WDR5: variants seen among roughly 807,000 people sequenced by gnomAD.
WDR5 encodes the protein WD repeat-containing protein 5.
For synonymous variants in WDR5, 144 were observed against 161.6 expected (o/e 0.89, Z 0.83); for missense variants, 187 against 416.9 (o/e 0.45, Z 4.80).
At chr9:134,151,922 A>G in intron 8 of WDR5, 61 bp from the exon 9 acceptor site, 1 of 1,553,468 alleles carries the variant, frequency 6.4e-7, no homozygotes, top group Non-Finnish European at 8.7e-7. Context: ...TCTGACTCCC[A>G]GCAGCCCGCG....
At chr9:134,152,174 T>TCCGCCAGCTCCCCCTGACCGCC (rs1179968967) in intron 9 of WDR5, 145 bp downstream of exon 9, 2 of 957,306 alleles carry the variant, frequency 2.1e-6, no homozygotes. Context: ...GTCCGACCGT[T>TCCGCCAGCTCCCCCTGACCGCC]CCGCCAGCTC....
At chr9:134,154,573 A>C (rs757933132) in intron 10 of WDR5, 32 bp downstream of exon 10, 7 of 1,610,598 alleles carry the variant, frequency 4.3e-6, no homozygotes, top group Non-Finnish European at 5.9e-6. Flanking sequence ...GGGGGCGGGC[A>C]TGTGGCCTCC....
At chr9:134,136,599 C>T (rs915064094) in intron 1 of WDR5, among the ~76,000 whole-genome samples, 5 of 152,128 alleles carry the variant, frequency 3.3e-5, no homozygotes, top group African/African-American at 1.2e-4. Context: ...AGGTGCGCTT[C>T]CCCTCCTCGT....
intron 2 of WDR5, 120 bp from the exon 3 acceptor site, chr9:134,140,583 A>T (rs1588168632): frequency 1.3e-5 from 11 of 814,848 alleles, no homozygotes; most frequent in East Asian, 2.4e-5. Context: ...GGCACTGGGC[A>T]TGTGGATTTG....
chr9:134,153,658 C>G (rs1012611681), intron 9 of WDR5, among the ~76,000 whole-genome samples: 2 of 152,090 alleles, frequency 1.3e-5, no homozygotes, highest in Admixed American at 6.5e-5. Context: ...AGGTGCCTGG[C>G]GAGGCCAGGC....
upstream of WDR5, chr9:134,136,047 G>A (rs1479400390): frequency 3.0e-5 from 1 of 33,766 alleles, no homozygotes; most frequent in Non-Finnish European, 7.0e-5. Flanking sequence ...CCCGCCCCCC[G>A]GACACCGCCC....
At chr9:134,146,239 C>CTT (rs1278208507) in intron 7 of WDR5, among the ~76,000 whole-genome samples, 2 of 136,850 alleles carry the variant, frequency 1.5e-5, no homozygotes, top group African/African-American at 2.7e-5. Flanking sequence ...AGTGCTGGGT[C>CTT]TTTTTTTTTT....
At chr9:134,153,061 G>C (rs570469556) in intron 9 of WDR5, among the ~76,000 whole-genome samples, 2 of 152,318 alleles carry the variant, frequency 1.3e-5, no homozygotes, top group Admixed American at 1.3e-4. Flanking sequence ...TGCCACAGCG[G>C]TCTTTATAGC....
intron 7 of WDR5, among the ~76,000 whole-genome samples, chr9:134,144,747 G>A (rs1171906250): frequency 1.3e-5 from 2 of 152,128 alleles, no homozygotes; most frequent in African/African-American, 4.8e-5. Flanking sequence ...GACGGTGGGA[G>A]GATTGCTTGG....
At chr9:134,142,443 T>C in intron 6 of WDR5, 21 bp downstream of exon 6, 1 of 1,612,824 alleles carries the variant, frequency 6.2e-7, no homozygotes, top group Non-Finnish European at 8.5e-7. Context: ...CTGGGGTGTC[T>C]TCCCTGGGGG....
chr9:134,154,470 C>A lies in WDR5; in HGVS notation c.636C>A (p.Asp212Glu). 6.2e-7 allele frequency: 1 copy of A among 1,614,160 alleles called. No individual in the cohort carries two copies. Among genetic ancestry groups the A allele is most frequent in the Non-Finnish European group, 8.5e-7 (1 of 1,180,012 alleles). Residue 212 changes from aspartate (D) to glutamate (E), a missense_variant, in exon 10 of 14, where the codon GAC (aspartate) becomes GAA (glutamate). Asp to Glu is a conservative substitution (Grantham distance 45). Coordinates refer to ENST00000358625, the MANE Select transcript of WDR5 (RefSeq NM_017588.3). Reference protein sequence around the residue: ...SGQCLKTLIDDDNPPVSFVKF... With the variant: ...SGQCLKTLIDEDNPPVSFVKF... The stretch of plus-strand genomic sequence containing the variant: ...ACCTGTCCGTTTTTATTGCAGATGA[C>A]GACAACCCCCCCGTGTCTTTTGTGA...
chr9:134,155,874 C>T, intron 12 of WDR5, 107 bp downstream of exon 12: 2 of 1,040,994 alleles, frequency 1.9e-6, no homozygotes, highest in Non-Finnish European at 2.9e-6. Flanking sequence ...TCTGTGCCCA[C>T]AAAATGAATT....
chr9:134,136,424 C>T (rs1053585167), intron 1 of WDR5, among the ~76,000 whole-genome samples: 1 of 151,694 alleles, frequency 6.6e-6, no homozygotes, highest in African/African-American at 2.4e-5. Context: ...CGCCCCCACT[C>T]GCGCCCCCAC....
rs370047018 is a variant in WDR5, at chr9:134,141,972, G to A, written c.288G>A (p.Ser96=). ...AGGGAATATCCGATGTAGCCTGGTC[G>A]TCAGATTCTAACCTTCTTGTTTCTG... is the stretch of plus-strand genomic sequence containing the variant. ...HKLGISDVAW[S]SDSNLLVSAS... is the part of the protein sequence containing the mutation. The change falls in exon 5 of 14, where the codon TCG becomes TCA. Residue 96 remains serine, a synonymous_variant. Coordinates refer to ENST00000358625, the MANE Select transcript of WDR5 (RefSeq NM_017588.3). The A allele has an allele frequency of 6.8e-6, 11 of 1,614,046 alleles. No homozygotes were observed. Among genetic ancestry groups the A allele is most frequent in the South Asian group, 2.2e-5 (2 of 91,088 alleles).
intron 8 of WDR5, among the ~76,000 whole-genome samples, chr9:134,149,068 A>G (rs1014009711): frequency 6.6e-6 from 1 of 152,174 alleles, no homozygotes; most frequent in Non-Finnish European, 1.5e-5. Context: ...AGATCTTACT[A>G]GGACTTCCTG....
intron 8 of WDR5, 24 bp downstream of exon 8, chr9:134,148,367 T>C (rs1832320040): frequency 1.9e-6 from 3 of 1,605,298 alleles, no homozygotes; most frequent in Admixed American, 1.7e-5. Context: ...TTTTACTTCA[T>C]GAAGCGATGA....
At chr9:134,152,671 G>C (rs1832554927) in intron 9 of WDR5, among the ~76,000 whole-genome samples, 1 of 152,236 alleles carries the variant, frequency 6.6e-6, no homozygotes, top group Non-Finnish European at 1.5e-5. Flanking sequence ...TGAGGAGGGA[G>C]CTGGGTGGTG....
intron 8 of WDR5, among the ~76,000 whole-genome samples, chr9:134,151,308 A>G (rs909437849): frequency 6.6e-6 from 1 of 152,098 alleles, no homozygotes; most frequent in Non-Finnish European, 1.5e-5. Flanking sequence ...CGGCTTCTCC[A>G]TGGGTGAGAG....
In WDR5 at chr9:134,158,645, A is replaced by G. The variant is rs1170527995; in HGVS notation, c.*652A>G. The G allele has an allele frequency of 6.6e-6, 1 of 152,298 alleles. No individual in the cohort carries two copies. Among genetic ancestry groups the G allele is most frequent in the Admixed American group, 6.5e-5 (1 of 15,286 alleles). The allele number at this position is 152,298 out of a possible 1,614,324, so 9.4% of individuals were successfully genotyped here. Reference sequence around the variant, plus strand: ...CGTTTGTCTCAGTGTCCCTGCAACAAGCAGCACCGCAGACTGTAATAAAAG... The same window carrying G: ...CGTTTGTCTCAGTGTCCCTGCAACAGGCAGCACCGCAGACTGTAATAAAAG... On this transcript the variant is annotated 3_prime_UTR_variant, in exon 14 of 14. Transcript: ENST00000358625.
Sources: gnomAD v4.1 joint callset for allele counts (sites outside exome capture counted in the v4.1 genomes callset) on GRCh38, gnomAD v4.1.1 for gene constraint, MANE v1.5 for transcripts, NCBI Gene and HGNC (gene_info 2026-07-23, HGNC 2026-07-21) for gene names.